The following WWOX variants were observed in gnomAD, a reference collection of about 807,000 sequenced individuals.
WWOX encodes the protein WW domain containing oxidoreductase.
A neutral mutation model predicts 46.2 loss-of-function variants in WWOX; 69 were observed. That is an observed-to-expected ratio of 1.49 (90% confidence interval 1.23 to 1.82). The LOEUF is 1.82. Among genes scored for constraint, WWOX ranks in the 40% most tolerant of loss-of-function variants. The pLI, the probability that WWOX is intolerant of heterozygous loss-of-function variation, is 0.00. For synonymous variants in WWOX, 359 were observed against 202.6 expected (o/e 1.77, Z -6.56); for missense variants, 919 against 542.6 (o/e 1.69, Z -6.89).
At chr16:78,988,306 T>G (rs2046819878) in intron 8 of WWOX, among the ~76,000 whole-genome samples, 1 of 150,616 alleles carries the variant, frequency 6.6e-6, no homozygotes. Flanking sequence ...ATCACGCTAT[T>G]GCACTCCAGC....
chr16:78,248,769 G>T (rs1157154648), intron 5 of WWOX, among the ~76,000 whole-genome samples: 1 of 151,742 alleles, frequency 6.6e-6, no homozygotes, highest in East Asian at 1.9e-4. Context: ...CACGAAATTT[G>T]GTGGGGACAC....
intron 8 of WWOX, among the ~76,000 whole-genome samples, chr16:78,567,251 G>A (rs967730350): frequency 2.6e-5 from 4 of 152,152 alleles, no homozygotes; most frequent in Non-Finnish European, 5.9e-5. Context: ...CCACTGCCAA[G>A]AAGTAAGGTT....
chr16:78,498,415 T>A (rs2084973577), intron 8 of WWOX, among the ~76,000 whole-genome samples: 1 of 151,614 alleles, frequency 6.6e-6, no homozygotes, highest in South Asian at 2.1e-4. Flanking sequence ...AGGGGCAAGG[T>A]TTTCAGGAAG....
intron 8 of WWOX, among the ~76,000 whole-genome samples, chr16:78,948,857 C>T (rs2046001149): frequency 6.6e-6 from 1 of 152,062 alleles, no homozygotes. Flanking sequence ...TAGCATGGAT[C>T]AGAGTTCTCA....
chr16:78,877,664 T>C (rs2044261727), intron 8 of WWOX, among the ~76,000 whole-genome samples: 1 of 152,236 alleles, frequency 6.6e-6, no homozygotes, highest in Admixed American at 6.5e-5. Context: ...TATTCTCCTA[T>C]TCTCTAGAAG....
chr16:78,973,486 A>G (rs1297988621), intron 8 of WWOX, among the ~76,000 whole-genome samples: 2 of 152,220 alleles, frequency 1.3e-5, no homozygotes, highest in East Asian at 1.9e-4. Context: ...GATTTCTTCA[A>G]ACATCTCTAA....
intron 5 of WWOX, among the ~76,000 whole-genome samples, chr16:78,339,844 A>T (rs2080973040): frequency 8.6e-6 from 1 of 116,934 alleles, no homozygotes; most frequent in South Asian, 2.6e-4. Flanking sequence ...AATGGGAGGC[A>T]TATCATCAAC....
chr16:78,106,049 G>A (rs1260577636), intron 1 of WWOX, among the ~76,000 whole-genome samples: 7 of 152,090 alleles, frequency 4.6e-5, no homozygotes, highest in African/African-American at 1.2e-4. Flanking sequence ...CGATCCTCCC[G>A]CCTCGGCCTC....
chr16:78,461,065 A>G (rs571850125), intron 8 of WWOX, among the ~76,000 whole-genome samples: 10 of 152,304 alleles, frequency 6.6e-5, no homozygotes, highest in African/African-American at 2.2e-4. Context: ...GTGTATGACT[A>G]TTACTGTGTT....
chr16:78,494,938 T>C (rs142133471), intron 8 of WWOX, among the ~76,000 whole-genome samples: 1 of 152,214 alleles, frequency 6.6e-6, no homozygotes, highest in African/African-American at 2.4e-5. Flanking sequence ...TTCGGTACTT[T>C]GTTGCAACCC....
intron 6 of WWOX, among the ~76,000 whole-genome samples, chr16:78,415,325 A>C (rs2082773794): frequency 6.6e-6 from 1 of 152,036 alleles, no homozygotes; most frequent in Non-Finnish European, 1.5e-5. Context: ...ATGAGTAGTA[A>C]GGATGACCAA....
intron 8 of WWOX, among the ~76,000 whole-genome samples, chr16:79,086,050 C>T (rs2048848190): frequency 7.0e-6 from 1 of 143,060 alleles, no homozygotes. Context: ...TCAACGTGGG[C>T]AACAGTGTGA....
intron 8 of WWOX, chr16:79,202,970 G>A (rs1358800657): frequency 6.6e-6 from 1 of 152,160 alleles, no homozygotes; most frequent in Non-Finnish European, 1.5e-5. Flanking sequence ...ATGCTAAGGT[G>A]TTGCATAATC....
At chr16:79,052,719 C>G (rs1166716514) in intron 8 of WWOX, among the ~76,000 whole-genome samples, 1 of 152,186 alleles carries the variant, frequency 6.6e-6, no homozygotes, top group Non-Finnish European at 1.5e-5. Flanking sequence ...GTCCGGTGTT[C>G]TCTCATGGCA....
chr16:78,927,595 T>C (rs1168896064), intron 8 of WWOX, among the ~76,000 whole-genome samples: 1 of 152,234 alleles, frequency 6.6e-6, no homozygotes, highest in Non-Finnish European at 1.5e-5. Flanking sequence ...TACAACCCTA[T>C]GTAGTTCACA....
At chr16:78,640,226 G>GTTTTTTTTTTTTTTTTTTTTTTT (rs34129775) in intron 8 of WWOX, among the ~76,000 whole-genome samples, 1 of 65,346 alleles carries the variant, frequency 1.5e-5, no homozygotes, top group Non-Finnish European at 2.7e-5. Flanking sequence ...TTGTTGTTGG[G>GTTTTTTTTTTTTTTTTTTTTTTT]TTTTTTTTTT....
At chr16:79,095,726 G>A (rs1344423680) in intron 8 of WWOX, among the ~76,000 whole-genome samples, 2 of 152,014 alleles carry the variant, frequency 1.3e-5, no homozygotes, top group African/African-American at 4.8e-5. Flanking sequence ...TCTCAACGGA[G>A]TTTACATGTG....
At chr16:78,188,704 A>G (rs1296555818) in intron 5 of WWOX, among the ~76,000 whole-genome samples, 2 of 152,072 alleles carry the variant, frequency 1.3e-5, no homozygotes, top group Non-Finnish European at 1.5e-5. Flanking sequence ...CCCAGGCTGG[A>G]AAACCACTGG....
intron 5 of WWOX, among the ~76,000 whole-genome samples, chr16:78,295,638 G>T (rs2079933201): frequency 6.6e-6 from 1 of 152,204 alleles, no homozygotes; most frequent in African/African-American, 2.4e-5. Flanking sequence ...TTGAACCCAG[G>T]AGATGGTGGT....
Sources: allele counts gnomAD v4.1 joint callset (sites outside exome capture counted in the v4.1 genomes callset), GRCh38; gene constraint gnomAD v4.1.1; transcripts MANE v1.5; gene names NCBI Gene and HGNC (gene_info 2026-07-23, HGNC 2026-07-21).